ALG14: variants seen among roughly 807,000 people sequenced by gnomAD.
ALG14 encodes the protein UDP-N-acetylglucosamine transferase subunit ALG14.
Under a neutral mutation model 22.8 loss-of-function variants are expected in ALG14, and 17 were observed. The ratio of observed to expected loss-of-function variants is 0.75; its 90% CI spans 0.51 to 1.12. The LOEUF is 1.12. Ranked by LOEUF, ALG14 falls within the 50% of genes most tolerant of loss-of-function variation. The pLI is 0.00. For missense variants in ALG14, 288 were observed against 271.8 expected (o/e 1.06, Z -0.42); for synonymous variants, 89 against 103.7 (o/e 0.86, Z 0.86).
intron 2 of ALG14, among the ~76,000 whole-genome samples, chr1:95,059,280 CA>C (rs1487136617): frequency 2.7e-5 from 4 of 150,106 alleles, no homozygotes; most frequent in Non-Finnish European, 5.9e-5. Flanking sequence ...ACCTGTAATC[CA>C]AACTACTAGG....
chr1:95,060,996 G>A (rs988879498), intron 2 of ALG14, among the ~76,000 whole-genome samples: 1 of 152,166 alleles, frequency 6.6e-6, no homozygotes, highest in African/African-American at 2.4e-5. Context: ...TGAAGACAGA[G>A]ATACAGAAAA....
intron 1 of ALG14, among the ~76,000 whole-genome samples, chr1:95,069,970 CAGG>C (rs1161596464): frequency 1.3e-5 from 2 of 152,150 alleles, no homozygotes; most frequent in African/African-American, 4.8e-5. Context: ...CTTTGGAAGG[CAGG>C]AGAATTGCTT....
chr1:95,043,298 C>T (rs969923663), intron 2 of ALG14, among the ~76,000 whole-genome samples: 1 of 152,072 alleles, frequency 6.6e-6, no homozygotes, highest in Non-Finnish European at 1.5e-5. Flanking sequence ...CCCATACACA[C>T]GTTATAAGGT....
At chr1:95,018,076 G>A (rs1673553208) in intron 3 of ALG14, among the ~76,000 whole-genome samples, 1 of 152,152 alleles carries the variant, frequency 6.6e-6, no homozygotes, top group Non-Finnish European at 1.5e-5. Flanking sequence ...TACTGACAAA[G>A]ATGAGAGTAA....
At chr1:95,046,630 T>C (rs943633419) in intron 2 of ALG14, among the ~76,000 whole-genome samples, 2 of 152,260 alleles carry the variant, frequency 1.3e-5, no homozygotes, top group Admixed American at 1.3e-4. Context: ...TTTGGGCTTC[T>C]TTATTTCCCA....
chr1:94,976,809 G>T lies in ALG14; in HGVS notation c.*6267C>A, dbSNP rs1672405198. ...GAATATCATGACATGTCATTCCTCTGATTATGTTACATTAACATGGCAAAA... is the reference window on the plus strand; with the variant it reads ...GAATATCATGACATGTCATTCCTCTTATTATGTTACATTAACATGGCAAAA... On this transcript the variant is annotated 3_prime_UTR_variant, in exon 4 of 4. Transcript: ENST00000370205. 1 of 152,134 alleles carries T rather than the reference G, an allele frequency of 6.6e-6. No homozygotes were observed. Among genetic ancestry groups the T allele is most frequent in the African/African-American group, 2.4e-5 (1 of 41,416 alleles). The allele number at this position is 152,134 out of a possible 1,614,324, so 9.4% of individuals were successfully genotyped here. A position where few individuals can be genotyped will look rare whatever the true frequency, so the allele number is the denominator to read the frequency against.
At chr1:95,015,631 G>A (rs1022600454) in intron 3 of ALG14, among the ~76,000 whole-genome samples, 1 of 152,212 alleles carries the variant, frequency 6.6e-6, no homozygotes, top group African/African-American at 2.4e-5. Context: ...GGCGGGTTTG[G>A]ACGGATGTCC....
intron 3 of ALG14, among the ~76,000 whole-genome samples, chr1:95,000,777 T>TAAAA (rs56810994): frequency 7.7e-5 from 5 of 65,196 alleles, no homozygotes; most frequent in Admixed American, 3.4e-4. Context: ...TATGCCACAC[T>TAAAA]AAAAAAAAAA....
At chr1:95,002,922 C>T (rs1673106666) in intron 3 of ALG14, among the ~76,000 whole-genome samples, 1 of 152,108 alleles carries the variant, frequency 6.6e-6, no homozygotes, top group Admixed American at 6.5e-5. Flanking sequence ...TCTTTTTTCC[C>T]CTTACTAAAG....
chr1:95,053,758 T>A (rs2100818666), intron 2 of ALG14, among the ~76,000 whole-genome samples: 1 of 152,102 alleles, frequency 6.6e-6, no homozygotes, highest in East Asian at 1.9e-4. Flanking sequence ...GATCAAGAAG[T>A]CAAAACAATT....
intron 3 of ALG14, among the ~76,000 whole-genome samples, chr1:94,999,476 G>A (rs1673002953): frequency 6.6e-6 from 1 of 150,524 alleles, no homozygotes; most frequent in African/African-American, 2.4e-5. Flanking sequence ...GCCCCCAAAT[G>A]TCCCCAACAC....
chr1:95,011,611 T>G (rs1385271429), intron 3 of ALG14, among the ~76,000 whole-genome samples: 1 of 151,962 alleles, frequency 6.6e-6, no homozygotes, highest in Non-Finnish European at 1.5e-5. Context: ...GTATTTTTAG[T>G]AGAGATGGGG....
intron 3 of ALG14, among the ~76,000 whole-genome samples, chr1:94,994,247 T>G (rs964163691): frequency 6.6e-6 from 1 of 152,210 alleles, no homozygotes; most frequent in Non-Finnish European, 1.5e-5. Context: ...TCTTGATCTT[T>G]TTTTGTTTTC....
At chr1:95,005,345 G>A (rs151066886) in intron 3 of ALG14, among the ~76,000 whole-genome samples, 80 of 148,566 alleles carry the variant, frequency 5.4e-4, no homozygotes, top group African/African-American at 1.9e-3. Flanking sequence ...AGGTGAACAT[G>A]AAAAGGGAGG....
At chr1:95,055,879 G>A (rs1247874402) in intron 2 of ALG14, among the ~76,000 whole-genome samples, 4 of 148,388 alleles carry the variant, frequency 2.7e-5, no homozygotes, top group Admixed American at 6.7e-5. Flanking sequence ...GCGTGGTGGC[G>A]GGTGCCTGTA....
intron 2 of ALG14, among the ~76,000 whole-genome samples, chr1:95,036,554 GTA>G (rs2100788318): frequency 6.7e-6 from 1 of 148,212 alleles, no homozygotes; most frequent in South Asian, 2.1e-4. Context: ...AGCCTCTCAA[GTA>G]GTTGGGATTA....
At chr1:95,049,698 C>T (rs1169851440) in intron 2 of ALG14, among the ~76,000 whole-genome samples, 1 of 151,594 alleles carries the variant, frequency 6.6e-6, no homozygotes, top group African/African-American at 2.4e-5. Flanking sequence ...ATAATGAGAC[C>T]CTGTTACTAC....
At chr1:95,016,942 G>GGGGTGT (rs1028840783) in intron 3 of ALG14, among the ~76,000 whole-genome samples, 3 of 129,362 alleles carry the variant, frequency 2.3e-5, no homozygotes, top group South Asian at 2.8e-4. Flanking sequence ...TTGCAAAAGG[G>GGGGTGT]GTGTGTGTGT....
chr1:95,061,976 C>T (rs1675172301), intron 2 of ALG14: 1 of 144,938 alleles, frequency 6.9e-6, no homozygotes, highest in South Asian at 2.3e-4. Context: ...AGTAGTTTCA[C>T]TTAAAAAAAA....
Sources: allele counts gnomAD v4.1 joint callset (sites outside exome capture counted in the v4.1 genomes callset), GRCh38; gene constraint gnomAD v4.1.1; transcripts MANE v1.5; gene names NCBI Gene and HGNC (gene_info 2026-07-23, HGNC 2026-07-21).